Variants in DNAH14 observed in about 807,000 individuals in gnomAD.
The protein encoded by DNAH14 is dynein axonemal heavy chain 14.
DNAH14 carries 478 observed loss-of-function variants against 520.9 expected under a neutral mutation model. The ratio of observed to expected loss-of-function variants is 0.92; its 90% CI spans 0.85 to 0.99. The LOEUF (loss-of-function observed/expected upper bound fraction) is 0.99. DNAH14 is among the 50% of genes least tolerant of loss of function. The pLI is 0.00. For missense variants in DNAH14, 4,831 were observed against 5,234.5 expected, an observed-to-expected ratio of 0.92 and a Z score of 2.38; for synonymous variants, 1,581 against 1,757.2, an observed-to-expected ratio of 0.90 and a Z score of 2.51.
intron 41 of DNAH14, among the ~76,000 whole-genome samples, chr1:225,217,755 G>A (rs1003684977): frequency 5.9e-5 from 9 of 152,130 alleles, no homozygotes; most frequent in African/African-American, 1.7e-4. Flanking sequence ...TTGCAGAAGC[G>A]CAGTATTAGG....
At chr1:225,374,182 T>C (rs1191488339) in intron 77 of DNAH14, among the ~76,000 whole-genome samples, 8 of 97,116 alleles carry the variant, frequency 8.2e-5, no homozygotes, top group African/African-American at 1.8e-4. Context: ...TATATATATA[T>C]ACTATTCTAG....
At chr1:225,042,707 G>A in intron 12 of DNAH14, 128 bp from the exon 13 acceptor site, 1 of 970,644 alleles carries the variant, frequency 1.0e-6, no homozygotes, top group Non-Finnish European at 1.5e-6. Flanking sequence ...CAGGTATTTG[G>A]TAATACAGTG....
At chr1:225,130,007 G>A (rs950056459) in intron 27 of DNAH14, among the ~76,000 whole-genome samples, 25 of 152,106 alleles carry the variant, frequency 1.6e-4, no homozygotes, top group South Asian at 4.2e-4. Flanking sequence ...AAGTGGGCAA[G>A]GGATATGAAC....
intron 35 of DNAH14, among the ~76,000 whole-genome samples, chr1:225,165,794 A>AGGCTGATCTCGAACTCC (rs1160740916): frequency 6.6e-6 from 1 of 152,050 alleles, no homozygotes; most frequent in Non-Finnish European, 1.5e-5. Flanking sequence ...CGTGTTGCTC[A>AGGCTGATCTCGAACTCC]GGCTGATCTC....
chr1:225,078,807 TCTCTCTCTCTCTCTCTCC>T (rs2072648619), intron 17 of DNAH14, among the ~76,000 whole-genome samples: 2 of 47,414 alleles, frequency 4.2e-5, no homozygotes, highest in Admixed American at 2.8e-4. Context: ...TCTCTCTCTC[TCTCTCTCTCTCTCTCTCC>T]CTCTCTCTCT....
chr1:225,235,511 A>G (rs934368951), intron 42 of DNAH14, among the ~76,000 whole-genome samples: 1 of 151,618 alleles, frequency 6.6e-6, no homozygotes, highest in South Asian at 2.1e-4. Context: ...CTTTTTTGTT[A>G]TATCTCTGCC....
intron 75 of DNAH14, among the ~76,000 whole-genome samples, chr1:225,361,166 G>A (rs1349805338): frequency 6.6e-6 from 1 of 152,064 alleles, no homozygotes; most frequent in African/African-American, 2.4e-5. Flanking sequence ...ACTCTCAATA[G>A]ATATATAAGC....
chr1:225,139,304 G>A (rs2079222925), intron 27 of DNAH14, among the ~76,000 whole-genome samples: 1 of 152,144 alleles, frequency 6.6e-6, no homozygotes, highest in South Asian at 2.1e-4. Context: ...GATGTTTCCT[G>A]GATCCCTGGT....
chr1:224,939,229 T>G (rs1429090363), intron 1 of DNAH14, among the ~76,000 whole-genome samples: 1 of 152,250 alleles, frequency 6.6e-6, no homozygotes, highest in Non-Finnish European at 1.5e-5. Flanking sequence ...TCTTCTGGCT[T>G]CTGTTGTCTA....
intron 23 of DNAH14, among the ~76,000 whole-genome samples, chr1:225,110,305 C>T (rs1414166075): frequency 6.6e-6 from 1 of 152,066 alleles, no homozygotes. Context: ...AGCATCAGGT[C>T]CTAGGCTTTT....
chr1:225,011,703 T>A (rs1270714081), intron 10 of DNAH14, among the ~76,000 whole-genome samples: 1 of 152,144 alleles, frequency 6.6e-6, no homozygotes, highest in Admixed American at 6.5e-5. Flanking sequence ...TTGTCTTTTT[T>A]TAATCTTTAT....
chr1:225,040,101 C>A (rs546393971), intron 12 of DNAH14, among the ~76,000 whole-genome samples: 1 of 151,422 alleles, frequency 6.6e-6, no homozygotes, highest in African/African-American at 2.4e-5. Context: ...CCATGCCCAG[C>A]TAATATTTTT....
At chr1:225,104,199 A>G (rs1487828042) in intron 23 of DNAH14, among the ~76,000 whole-genome samples, 1 of 152,142 alleles carries the variant, frequency 6.6e-6, no homozygotes, top group Non-Finnish European at 1.5e-5. Context: ...ATTGATTTCC[A>G]TATGTTAAAC....
chr1:225,231,953 A>G (rs1273677707), intron 42 of DNAH14, among the ~76,000 whole-genome samples: 2 of 152,144 alleles, frequency 1.3e-5, no homozygotes, highest in Non-Finnish European at 2.9e-5. Flanking sequence ...ATAATCACTC[A>G]TATATATACC....
intron 6 of DNAH14, among the ~76,000 whole-genome samples, chr1:224,968,133 A>G (rs1252117699): frequency 6.6e-6 from 1 of 152,128 alleles, no homozygotes; most frequent in East Asian, 1.9e-4. Context: ...GTAGATCTGT[A>G]TGTGCAAATA....
At chr1:225,350,340 A>G (rs572776994) in intron 71 of DNAH14, among the ~76,000 whole-genome samples, 2 of 152,230 alleles carry the variant, frequency 1.3e-5, no homozygotes, top group East Asian at 1.9e-4. Flanking sequence ...AGTGTACTTA[A>G]ATTTTACCTC....
chr1:225,246,873 C>T (rs191370473), intron 43 of DNAH14, among the ~76,000 whole-genome samples: 2 of 152,314 alleles, frequency 1.3e-5, no homozygotes, highest in East Asian at 3.9e-4. Context: ...AATCCCATTA[C>T]TGGGTATATA....
At position 225,007,419 on chromosome 1, in the gene DNAH14, A is replaced by G. The variant is rs746928488; in HGVS notation, c.982A>G (p.Ser328Gly). The part of the protein sequence containing the change: ...LSAICLVKLD[S>G]SRTYSLDEFC... ...TTTACTATCATCTAATTAGCTGGAT[A>G]GTTCTCGAACATATTCTCTAGATGA... The change falls in exon 10 of 86, where the codon AGT becomes GGT. Residue 328 changes from serine (S) to glycine (G), a missense_variant. Coordinates refer to ENST00000682510, the MANE Select transcript of DNAH14 (RefSeq NM_001367479.1). 6.7e-5 allele frequency: 103 copies of G among 1,529,182 alleles called. 1 individual carries two copies. The highest frequency in any genetic ancestry group is 9.0e-5 in the Non-Finnish European group (102 of 1,136,048). The allele number at this position is 1,529,182 out of a possible 1,614,324, so 94.7% of individuals were successfully genotyped here.
chr1:224,988,921 C>T (rs1488885892), intron 8 of DNAH14, among the ~76,000 whole-genome samples: 2 of 152,166 alleles, frequency 1.3e-5, no homozygotes, highest in Non-Finnish European at 2.9e-5. Context: ...AGGTGTGATC[C>T]ACTGTGCCCA....
Sources: gnomAD v4.1 joint callset for allele counts (sites outside exome capture counted in the v4.1 genomes callset) on GRCh38, gnomAD v4.1.1 for gene constraint, MANE v1.5 for transcripts, NCBI Gene and HGNC (gene_info 2026-07-23, HGNC 2026-07-21) for gene names.